TOP1MT: variants seen among roughly 807,000 people sequenced by gnomAD.
The protein encoded by TOP1MT is DNA topoisomerase I mitochondrial.
In TOP1MT, 80 loss-of-function variants were observed where a neutral mutation model predicts 73.9. The ratio of observed to expected loss-of-function variants is 1.08; its 90% CI spans 0.90 to 1.30. The LOEUF (loss-of-function observed/expected upper bound fraction) is 1.30. TOP1MT is among the 50% of genes most tolerant of loss of function. The pLI is 0.00. For synonymous variants in TOP1MT, 338 were observed against 326.4 expected, an observed-to-expected ratio of 1.04 and a Z score of -0.38; for missense variants, 815 against 808.0, an observed-to-expected ratio of 1.01 and a Z score of -0.10.
chr8:143,346,827 G>C (rs1178049874), upstream of TOP1MT, among the ~76,000 whole-genome samples: 2 of 152,100 alleles, frequency 1.3e-5, no homozygotes, highest in Non-Finnish European at 2.9e-5. Context: ...AGGTCAGAGG[G>C]AGGACACTAA....
intron 7 of TOP1MT, among the ~76,000 whole-genome samples, chr8:143,323,401 G>A (rs1262751490): frequency 1.2e-3 from 99 of 79,786 alleles, no homozygotes; most frequent in African/African-American, 4.5e-3. Context: ...ACACAGGCAC[G>A]CCACACACGC....
upstream of TOP1MT, among the ~76,000 whole-genome samples, chr8:143,356,429 A>G (rs537838032): frequency 1.3e-5 from 2 of 152,388 alleles, no homozygotes; most frequent in Admixed American, 1.3e-4. Flanking sequence ...AACACAAAGT[A>G]CATATTTTTA....
chr8:143,324,946 T>C (rs1816664409), intron 5 of TOP1MT, among the ~76,000 whole-genome samples: 2 of 152,230 alleles, frequency 1.3e-5, no homozygotes, highest in South Asian at 4.1e-4. Flanking sequence ...CCACTGGGGG[T>C]CCTGCAGGCA....
upstream of TOP1MT, among the ~76,000 whole-genome samples, chr8:143,357,676 C>G (rs919909197): frequency 1.3e-5 from 2 of 152,152 alleles, no homozygotes; most frequent in African/African-American, 4.8e-5. Context: ...AATCCCAGCA[C>G]TTTAGGAGGC....
At chr8:143,355,053 GC>G (rs1817385119) in intron 1 of TOP1MT, among the ~76,000 whole-genome samples, 1 of 152,192 alleles carries the variant, frequency 6.6e-6, no homozygotes, top group Non-Finnish European at 1.5e-5. Context: ...GGGAGGTGTG[GC>G]CCGTGCACCG....
chr8:143,322,507 G>A (rs1195925167), intron 7 of TOP1MT, among the ~76,000 whole-genome samples: 1 of 66,848 alleles, frequency 1.5e-5, no homozygotes, highest in African/African-American at 5.9e-5. Flanking sequence ...CACACACACA[G>A]GCACGCCACA....
chr8:143,323,010 CCACACACATGCACA>C (rs1212524387), intron 7 of TOP1MT, among the ~76,000 whole-genome samples: 3 of 86,688 alleles, frequency 3.5e-5, no homozygotes, highest in South Asian at 5.8e-4. Context: ...CACAGGCACG[CCACACACATGCACA>C]CACACACATG....
intron 12 of TOP1MT, 73 bp downstream of exon 12, chr8:143,315,654 G>A (rs980056926): frequency 1.3e-5 from 16 of 1,189,374 alleles, no homozygotes; most frequent in Non-Finnish European, 1.6e-5. Flanking sequence ...GTCTCCCACC[G>A]ACCCTGTGGG....
At chr8:143,357,365 T>A, upstream of TOP1MT, among the ~76,000 whole-genome samples, 1 of 141,842 alleles carries the variant, frequency 7.1e-6, no homozygotes, top group Non-Finnish European at 1.5e-5. Context: ...TTAGCTATGA[T>A]CACCACTGCA....
intron 12 of TOP1MT, 105 bp from the exon 13 acceptor site, chr8:143,310,322 TC>T (rs961153955): frequency 2.4e-6 from 2 of 833,072 alleles, no homozygotes; most frequent in African/African-American, 3.4e-5. Flanking sequence ...TGCAGCCCTG[TC>T]CCTGTCATTG....
chr8:143,351,114 C>A (rs767177407), intron 1 of TOP1MT, among the ~76,000 whole-genome samples: 1 of 152,218 alleles, frequency 6.6e-6, no homozygotes, highest in African/African-American at 2.4e-5. Context: ...AACCCCTACC[C>A]CCGATGTCTC....
chr8:143,330,423 A>C (rs1232553395), intron 2 of TOP1MT, among the ~76,000 whole-genome samples: 2 of 152,244 alleles, frequency 1.3e-5, no homozygotes, highest in Non-Finnish European at 2.9e-5. Flanking sequence ...GGCAGCCCCC[A>C]CAGACACAGC....
In TOP1MT at chr8:143,309,513, C is replaced by A; in HGVS notation, c.1734G>T (p.Lys578Asn). 6.2e-7 allele frequency: 1 copy of A among 1,614,050 alleles called. No homozygotes were observed. Among genetic ancestry groups the A allele is most frequent in the African/African-American group, 1.3e-5 (1 of 75,048 alleles). Reference protein sequence around the residue: ...WCKRFRVPVEKIYSKTQRERF... With the variant: ...WCKRFRVPVENIYSKTQRERF... Reference sequence around the variant, plus strand: ...TCTCCCGCTGTGTTTTGCTGTAGATCTTCTCCACTGGCACCCTGAACCGCT... The same window carrying A: ...TCTCCCGCTGTGTTTTGCTGTAGATATTCTCCACTGGCACCCTGAACCGCT... The change falls in exon 14 of 14, where the codon AAG becomes AAT. Residue 578 changes from lysine (K) to asparagine (N), a missense_variant. Physicochemically the swap from Lys to Asn is moderately conservative, Grantham distance 94 (BLOSUM62 0). Coordinates refer to ENST00000329245, the MANE Select transcript of TOP1MT (RefSeq NM_052963.3).
In TOP1MT at chr8:143,310,114, C is replaced by T; in HGVS notation, c.1657G>A (p.Gly553Ser). 3.1e-6 allele frequency: 5 copies of T among 1,613,674 alleles called. No homozygotes were observed. The highest frequency in any genetic ancestry group is 4.2e-6 in the Non-Finnish European group (5 of 1,179,996). ...DKEENKQVAL[G>S]TSKLNYLDPR... ...TCCAGGTAGTTGAGCTTGGACGTGCCCAGGGCCACCTGCTTGTTCTCCTCC... is the reference window on the plus strand; with the variant it reads ...TCCAGGTAGTTGAGCTTGGACGTGCTCAGGGCCACCTGCTTGTTCTCCTCC... The change falls in exon 13 of 14, where the codon GGC (glycine) becomes AGC (serine). Residue 553 changes from glycine to serine, a missense_variant. By Grantham distance (56) the Gly-to-Ser change is moderately conservative. Transcript: ENST00000329245.
upstream of TOP1MT, among the ~76,000 whole-genome samples, chr8:143,349,861 G>A (rs11990632): frequency 0.068 from 10,410 of 152,180 alleles, 453 homozygotes; most frequent in Non-Finnish European, 0.093. Context: ...GGCTGGTCTC[G>A]AACTCCTGAC....
At chr8:143,332,528 G>C (rs1409095109) in intron 1 of TOP1MT, 2 of 1,289,460 alleles carry the variant, frequency 1.6e-6, no homozygotes. Flanking sequence ...CAGCCAGGTA[G>C]TGCTGTTGGG....
At chr8:143,350,850 C>T (rs962760782) in intron 1 of TOP1MT, among the ~76,000 whole-genome samples, 3 of 152,178 alleles carry the variant, frequency 2.0e-5, no homozygotes, top group Non-Finnish European at 2.9e-5. Flanking sequence ...ATTTCAAGCA[C>T]ATGCAGAATT....
chr8:143,326,369 C>T (rs1816708003), intron 3 of TOP1MT, 25 bp from the exon 4 acceptor site: 4 of 1,613,408 alleles, frequency 2.5e-6, no homozygotes, highest in South Asian at 1.1e-5. Flanking sequence ...GACACGCGCT[C>T]TCACCATGTC....
chr8:143,343,253 A>T (rs1817163746), exon 2 of TOP1MT: 1 of 456,082 alleles, frequency 2.2e-6, no homozygotes, highest in South Asian at 1.5e-5. Context: ...TTTCATGGTG[A>T]TTAGTCTTCA....
Sources: gnomAD v4.1 joint callset for allele counts (sites outside exome capture counted in the v4.1 genomes callset) on GRCh38, gnomAD v4.1.1 for gene constraint, MANE v1.5 for transcripts, NCBI Gene and HGNC (gene_info 2026-07-23, HGNC 2026-07-21) for gene names.